Variants in BAIAP2L1 observed in about 807,000 individuals in gnomAD.
The protein encoded by BAIAP2L1 is BAR/IMD domain-containing adapter protein 2-like 1.
BAIAP2L1 carries 35 observed loss-of-function variants against 66.3 expected under a neutral mutation model. The ratio of observed to expected loss-of-function variants is 0.53; its 90% confidence interval spans 0.40 to 0.70. The LOEUF is 0.70. Among genes scored for constraint, BAIAP2L1 ranks in the 30% least tolerant of loss-of-function variants. BAIAP2L1 has a pLI of 0.00. For missense variants in BAIAP2L1, 622 were observed against 656.9 expected, an observed-to-expected ratio of 0.95 and a Z score of 0.58; for synonymous variants, 269 against 248.7, an observed-to-expected ratio of 1.08 and a Z score of -0.77.
chr7:98,374,584 A>C lies in BAIAP2L1; in HGVS notation c.52-12152T>G, dbSNP rs1180765971. On this transcript the variant is annotated intron_variant, in intron 1 of 13. Coordinates refer to ENST00000005260, the MANE Select transcript of BAIAP2L1 (RefSeq NM_018842.5). ...AAAATGCATTTTATGAGATCAGAGC[A>C]CTGACATATTTTAGTATGAGTGATT... Among the ~76,000 whole-genome samples the C allele has an allele frequency of 3.9e-5, 6 of 152,228 alleles. No homozygotes were observed. The East Asian group carries it at 1.2e-3, about 29-fold the overall frequency.
chr7:98,292,646 A>C lies in BAIAP2L1; in HGVS notation c.*875T>G. 6.4e-7 allele frequency: 1 copy of C among 1,551,618 alleles called. No individual in the cohort carries two copies. Among genetic ancestry groups the C allele is most frequent in the Middle Eastern group, 1.7e-4 (1 of 5,992 alleles). ...AAACCCGCCCTTCTCCAGGCACCAG[A>C]GGTCATCCTGGCTTTACACGTATCC... On this transcript the variant is annotated 3_prime_UTR_variant, in exon 14 of 14. Coordinates refer to ENST00000005260, the MANE Select transcript of BAIAP2L1 (RefSeq NM_018842.5).
chr7:98,363,023 T>TTTTCTTTTC lies in BAIAP2L1; in HGVS notation c.52-592_52-591insGAAAAGAAA, dbSNP rs1418307733. 3.8e-4 allele frequency among the ~76,000 whole-genome samples: 40 copies of TTTTCTTTTC among 105,744 alleles called. 7 individuals are homozygous for TTTTCTTTTC. Among genetic ancestry groups the TTTTCTTTTC allele is most frequent in the South Asian group, 5.1e-4 (2 of 3,916 alleles). 69.4% of individuals were successfully genotyped at this position (105,744 alleles called of 152,430 possible). A position where few individuals can be genotyped will look rare whatever the true frequency, so the allele number is the denominator to read the frequency against. ...GAAACTTCTGGATGTCCCTGGCATT[T>TTTTCTTTTC]TTTCTTTTTTTTTTTTTTTTTTTTT... is the stretch of plus-strand genomic sequence containing the variant. On this transcript the variant is annotated intron_variant, in intron 1 of 13. Transcript: ENST00000005260.
intron 3 of BAIAP2L1, among the ~76,000 whole-genome samples, chr7:98,330,957 GCCC>G (rs1801482084): frequency 6.6e-6 from 1 of 152,086 alleles, no homozygotes; most frequent in African/African-American, 2.4e-5. Context: ...CTCCCACTAG[GCCC>G]CCACCTCCAA....
chr7:98,346,653 C>A (rs1415989530), intron 3 of BAIAP2L1, among the ~76,000 whole-genome samples: 1 of 152,172 alleles, frequency 6.6e-6, no homozygotes, highest in East Asian at 1.9e-4. Flanking sequence ...GCTATTGGTG[C>A]AAGGACAGCA....
chr7:98,338,136 T>TA (rs967551698), intron 3 of BAIAP2L1, among the ~76,000 whole-genome samples: 2 of 152,000 alleles, frequency 1.3e-5, no homozygotes, highest in African/African-American at 4.8e-5. Context: ...TTCGTTACCT[T>TA]AAGAGATGCC....
chr7:98,338,170 C>T (rs1312583250), intron 3 of BAIAP2L1, among the ~76,000 whole-genome samples: 6 of 152,138 alleles, frequency 3.9e-5, no homozygotes, highest in Non-Finnish European at 8.8e-5. Flanking sequence ...TGGTGGCTCA[C>T]GCTTGTAATC....
At chr7:98,323,326 T>C (rs544379699) in intron 3 of BAIAP2L1, 117 of 152,246 alleles carry the variant, frequency 7.7e-4, no homozygotes, top group African/African-American at 2.8e-3. Context: ...GGATGAAATA[T>C]AAACAACAAC....
At chr7:98,400,742 C>A in intron 1 of BAIAP2L1, 60 bp downstream of exon 1, 1 of 1,529,154 alleles carries the variant, frequency 6.5e-7, no homozygotes, top group Non-Finnish European at 8.9e-7. Context: ...GCGTAAAGTC[C>A]CCTTCTGAAC....
intron 1 of BAIAP2L1, among the ~76,000 whole-genome samples, chr7:98,381,030 G>A (rs751308150): frequency 5.3e-5 from 8 of 152,094 alleles, no homozygotes; most frequent in African/African-American, 1.2e-4. Flanking sequence ...AGCTGGACAC[G>A]CACCACTGGT....
chr7:98,306,551 A>C, intron 10 of BAIAP2L1, 35 bp from the exon 11 acceptor site: 1 of 1,614,112 alleles, frequency 6.2e-7, no homozygotes, highest in Non-Finnish European at 8.5e-7. Flanking sequence ...CCCTATCAGC[A>C]GTAGACATGT....
chr7:98,319,911 A>G, intron 5 of BAIAP2L1, 147 bp downstream of exon 5: 1 of 717,252 alleles, frequency 1.4e-6, no homozygotes, highest in South Asian at 1.8e-5. Context: ...GCCCAAAGAG[A>G]GCTTGTCGGT....
Position 98,310,605 on chromosome 7 carries a change from C to A in BAIAP2L1, c.808-13G>T, listed in dbSNP as rs996415989. The stretch of plus-strand genomic sequence containing the variant: ...AATCTTTCCTAACCTGTGAAAAATT[C>A]TTTATTAGTCCAATATTAGTATAGT... On this transcript the variant is annotated splice_polypyrimidine_tract_variant and intron_variant, in intron 8 of 13. Coordinates refer to ENST00000005260, the MANE Select transcript of BAIAP2L1 (RefSeq NM_018842.5). 1.3e-6 allele frequency: 2 copies of A among 1,550,006 alleles called. No individual in the cohort carries two copies. The highest frequency in any genetic ancestry group is 2.5e-5 in the South Asian group (2 of 80,990).
intron 12 of BAIAP2L1, among the ~76,000 whole-genome samples, chr7:98,302,524 AG>A (rs1203429382): frequency 6.6e-6 from 1 of 152,232 alleles, no homozygotes; most frequent in African/African-American, 2.4e-5. Context: ...CAAGCAAAAC[AG>A]CAACAGACTC....
intron 3 of BAIAP2L1, among the ~76,000 whole-genome samples, chr7:98,328,833 T>G (rs1801432952): frequency 6.6e-6 from 1 of 152,202 alleles, no homozygotes; most frequent in South Asian, 2.1e-4. Flanking sequence ...TTTGGTGCAC[T>G]TTACACATAT....
intron 12 of BAIAP2L1, among the ~76,000 whole-genome samples, chr7:98,295,163 C>T (rs1234828142): frequency 6.6e-6 from 1 of 152,206 alleles, no homozygotes; most frequent in Non-Finnish European, 1.5e-5. Flanking sequence ...AGCGCTAGAG[C>T]GCAGGCCGTT....
At chr7:98,394,929 T>C (rs1218677742) in intron 1 of BAIAP2L1, among the ~76,000 whole-genome samples, 1 of 151,728 alleles carries the variant, frequency 6.6e-6, no homozygotes, top group Non-Finnish European at 1.5e-5. Context: ...CTGGCCAACA[T>C]GGTGAAACCC....
chr7:98,370,558 G>C (rs75325400), intron 1 of BAIAP2L1, among the ~76,000 whole-genome samples: 8,366 of 151,762 alleles, frequency 0.055, 282 homozygotes, highest in South Asian at 0.12. Flanking sequence ...AGGGAGTGCA[G>C]TGGCGCGATC....
intron 1 of BAIAP2L1, among the ~76,000 whole-genome samples, chr7:98,385,378 T>C (rs897245248): frequency 1.3e-5 from 2 of 152,086 alleles, no homozygotes. Flanking sequence ...TTAAAAACAG[T>C]TTAAATTCTT....
At chr7:98,364,586 G>A (rs1802347910) in intron 1 of BAIAP2L1, among the ~76,000 whole-genome samples, 1 of 152,120 alleles carries the variant, frequency 6.6e-6, no homozygotes. Flanking sequence ...TGCGTGAGAG[G>A]TAAATCTGAG....
Sources: gnomAD v4.1 joint callset for allele counts (sites outside exome capture counted in the v4.1 genomes callset) on GRCh38, gnomAD v4.1.1 for gene constraint, MANE v1.5 for transcripts, NCBI Gene and HGNC (gene_info 2026-07-23, HGNC 2026-07-21) for gene names.